The following DOCK9 variants were observed in gnomAD, a reference collection of about 807,000 sequenced individuals.
The protein encoded by DOCK9 is dedicator of cytokinesis protein 9.
DOCK9 carries 89 observed loss-of-function variants against 263.3 expected under a neutral mutation model. The ratio of observed to expected loss-of-function variants is 0.34; its 90% confidence interval spans 0.28 to 0.40. The LOEUF is 0.40. Ranked by LOEUF, DOCK9 falls within the 10% of genes least tolerant of loss-of-function variation. The pLI is 1.00. For synonymous variants in DOCK9, 976 were observed against 973.1 expected, an observed-to-expected ratio of 1.00 and a Z score of -0.06; for missense variants, 2,140 against 2,603.4, an observed-to-expected ratio of 0.82 and a Z score of 3.87.
chr13:98,807,847 A>G (rs1221591559), intron 47 of DOCK9, 40 bp from the exon 48 acceptor site: 1 of 1,552,570 alleles, frequency 6.4e-7, no homozygotes, highest in South Asian at 1.2e-5. Flanking sequence ...CCTGAACGTA[A>G]GCCCAGGGCT....
At chr13:99,034,220 T>C (rs1011517205) in intron 1 of DOCK9, among the ~76,000 whole-genome samples, 4 of 152,078 alleles carry the variant, frequency 2.6e-5, no homozygotes, top group Non-Finnish European at 5.9e-5. Context: ...CCAAATTTGC[T>C]TCCTCCCTCA....
At position 98,888,451 on chromosome 13, in the gene DOCK9, G is replaced by T. The variant is rs780952883; in HGVS notation, c.1886C>A (p.Pro629Gln). The change falls in exon 17 of 53, where the codon CCA becomes CAA. Residue 629 changes from proline to glutamine, a missense_variant. This residue lies in a region of DOCK9 where 1,521 missense variants were observed against 1,741.7 expected (regional missense o/e 0.87). Transcript: ENST00000682017. ...FEVEEFVPCI[P>Q]KHTQPYTIYT... ...GATGGTGTAAGGCTGAGTGTGTTTT[G>T]GTATGCAGGGCACAAATTCCTCCAC... The T allele has an allele frequency of 6.2e-7, 1 of 1,612,968 alleles. No individual in the cohort carries two copies. The highest frequency in any genetic ancestry group is 8.5e-7 in the Non-Finnish European group (1 of 1,179,490).
intron 1 of DOCK9, among the ~76,000 whole-genome samples, chr13:98,988,139 T>C (rs1161609849): frequency 1.3e-5 from 2 of 152,192 alleles, no homozygotes; most frequent in African/African-American, 2.4e-5. Flanking sequence ...ACTTGGGAAG[T>C]ATTTTAAAAT....
chr13:98,866,717 T>C (rs1433495866), intron 30 of DOCK9, among the ~76,000 whole-genome samples: 1 of 152,162 alleles, frequency 6.6e-6, no homozygotes, highest in Non-Finnish European at 1.5e-5. Context: ...AAAAGCCACA[T>C]TGCTTGTGAT....
At chr13:99,010,111 G>A (rs138482413) in intron 1 of DOCK9, among the ~76,000 whole-genome samples, 4,202 of 152,234 alleles carry the variant, frequency 0.028, 96 homozygotes, top group South Asian at 0.063. Context: ...CTCCTCTTGT[G>A]ACAAGCACTT....
At chr13:98,942,068 G>A (rs116807873) in intron 2 of DOCK9, among the ~76,000 whole-genome samples, 2,496 of 152,232 alleles carry the variant, frequency 0.016, 67 homozygotes, top group African/African-American at 0.056. Context: ...GTGGACATAC[G>A]ACTAAATCTT....
At chr13:98,924,361 G>A (rs1287148615) in intron 4 of DOCK9, among the ~76,000 whole-genome samples, 3 of 152,226 alleles carry the variant, frequency 2.0e-5, no homozygotes, top group Non-Finnish European at 4.4e-5. Flanking sequence ...CCAGCTCAAA[G>A]ATGTAACAAA....
At chr13:98,941,635 A>C (rs777719449) in intron 2 of DOCK9, among the ~76,000 whole-genome samples, 1 of 152,186 alleles carries the variant, frequency 6.6e-6, no homozygotes, top group Non-Finnish European at 1.5e-5. Context: ...GTACTACTGC[A>C]CAGCTGAGGA....
At chr13:98,846,101 G>T (rs756934381) in intron 37 of DOCK9, 41 bp from the exon 38 acceptor site, 115 of 1,548,388 alleles carry the variant, frequency 7.4e-5, no homozygotes, top group Non-Finnish European at 9.8e-5. Flanking sequence ...AAAGTTAGAC[G>T]TGTTACACTG....
intron 1 of DOCK9, among the ~76,000 whole-genome samples, chr13:98,965,696 C>T (rs2059117922): frequency 6.6e-6 from 1 of 152,178 alleles, no homozygotes; most frequent in Non-Finnish European, 1.5e-5. Flanking sequence ...GGAAAACTTA[C>T]CTAAACTTAG....
intron 1 of DOCK9, among the ~76,000 whole-genome samples, chr13:99,079,042 T>C (rs2042021432): frequency 6.6e-6 from 1 of 152,212 alleles, no homozygotes; most frequent in Non-Finnish European, 1.5e-5. Context: ...AGAAAAATAA[T>C]TTTATGACAG....
chr13:98,865,971 G>A (rs1171182812), intron 30 of DOCK9, among the ~76,000 whole-genome samples: 20 of 151,788 alleles, frequency 1.3e-4, no homozygotes, highest in Middle Eastern at 3.4e-3. Flanking sequence ...TGCAGAATAG[G>A]GGGGTGTGAG....
intron 1 of DOCK9, among the ~76,000 whole-genome samples, chr13:99,037,385 C>T (rs1278568992): frequency 1.3e-5 from 2 of 152,080 alleles, no homozygotes; most frequent in South Asian, 4.1e-4. Flanking sequence ...TATTACTAAT[C>T]AGGGATATTA....
At chr13:98,832,800 T>A (rs904840219) in intron 39 of DOCK9, among the ~76,000 whole-genome samples, 11 of 152,136 alleles carry the variant, frequency 7.2e-5, no homozygotes, top group African/African-American at 2.7e-4. Context: ...AGATTTGACA[T>A]TAATAAAAAA....
chr13:98,888,392 A>G lies in DOCK9; in HGVS notation c.1945T>C (p.Leu649=), dbSNP rs200026646. Residue 649 remains leucine (L), a synonymous_variant, in exon 17 of 53, where the codon TTG becomes CTG. Transcript: ENST00000682017. ...TNHLYVYPKY[L]KYDSQKSFAK... ...AAAGACTTCTGACTGTCGTATTTCA[A>G]GTACTTAGGATAAACGTAAAGGTGA... 6.5e-4 allele frequency: 1,055 copies of G among 1,613,704 alleles called. 1 individual carries two copies. The highest frequency in any genetic ancestry group is 8.6e-4 in the Non-Finnish European group (1,015 of 1,179,776).
rs866258747 is a variant in DOCK9 at position 99,062,842 on chromosome 13, G to A, written c.129+23381C>T. On this transcript the variant is annotated intron_variant, in intron 1 of 32. Coordinates refer to the DOCK9 transcript ENST00000427887. ...CCATTGGCAGGCAGCCCAGGACCGC[G>A]CCAGTTCAGTGGTTTAATATCCTGT... is the stretch of plus-strand genomic sequence containing the variant. Among the ~76,000 whole-genome samples, 4 of 152,308 alleles carry A rather than the reference G, an allele frequency of 2.6e-5. No homozygotes were observed. In the South Asian group the frequency reaches 6.2e-4, roughly 24 times the overall value.
intron 47 of DOCK9, chr13:98,808,710 T>C: frequency 7.0e-7 from 1 of 1,421,348 alleles, no homozygotes; most frequent in Non-Finnish European, 9.9e-7. Flanking sequence ...CAGAATAAAT[T>C]GAAGGTTATA....
intron 4 of DOCK9, 103 bp from the exon 5 acceptor site, chr13:98,923,474 G>T: frequency 1.1e-6 from 1 of 911,852 alleles, no homozygotes; most frequent in East Asian, 2.4e-5. Flanking sequence ...TAAATCCAAA[G>T]ATGGCCCAGC....
At chr13:98,935,542 G>T (rs546619988) in intron 2 of DOCK9, among the ~76,000 whole-genome samples, 12 of 152,274 alleles carry the variant, frequency 7.9e-5, no homozygotes, top group African/African-American at 2.9e-4. Context: ...GCCGAGGCAG[G>T]CAGATCACTT....
Sources: gnomAD v4.1 joint callset for allele counts (sites outside exome capture counted in the v4.1 genomes callset) on GRCh38, gnomAD v4.1.1 for gene constraint, gnomAD v4.1.1 regional missense constraint, MANE v1.5 for transcripts, NCBI Gene and HGNC (gene_info 2026-07-23, HGNC 2026-07-21) for gene names.